The following NKAIN2 variants were observed in gnomAD, a reference collection of about 807,000 sequenced individuals.
NKAIN2 encodes the protein sodium/potassium transporting ATPase interacting 2, also known as sodium/potassium-transporting ATPase subunit beta-1-interacting protein 2.
In NKAIN2, 14 loss-of-function variants were observed where a neutral mutation model predicts 32.6. The observed-to-expected ratio is 0.43, with a 90% CI of 0.28 to 0.67. The LOEUF (loss-of-function observed/expected upper bound fraction) is 0.67, where lower values mean the gene tolerates loss of function less well. NKAIN2 is among the 30% of genes least tolerant of loss of function. NKAIN2 has a pLI of 0.17. For synonymous variants in NKAIN2, 80 were observed against 87.2 expected, an observed-to-expected ratio of 0.92 and a Z score of 0.46; for missense variants, 198 against 258.3, an observed-to-expected ratio of 0.77 and a Z score of 1.60.
At chr6:124,681,992 G>GA (rs1489081805) in intron 4 of NKAIN2, among the ~76,000 whole-genome samples, 4 of 151,856 alleles carry the variant, frequency 2.6e-5, no homozygotes, top group Non-Finnish European at 4.4e-5. Context: ...AGAAGGGTGA[G>GA]AAAAATAGAA....
At chr6:124,601,918 A>G (rs1272849852) in intron 3 of NKAIN2, among the ~76,000 whole-genome samples, 1 of 152,010 alleles carries the variant, frequency 6.6e-6, no homozygotes, top group Non-Finnish European at 1.5e-5. Flanking sequence ...ACTTAGGTCC[A>G]ACCATTTATT....
At chr6:124,366,883 G>A (rs13437397) in intron 3 of NKAIN2, among the ~76,000 whole-genome samples, 22,352 of 150,732 alleles carry the variant, frequency 0.15, 2,199 homozygotes, top group African/African-American at 0.29. Flanking sequence ...AGCTGAGATC[G>A]TGCCACTGCA....
chr6:124,453,345 A>ACG (rs1776187503), intron 3 of NKAIN2, among the ~76,000 whole-genome samples: 1 of 123,270 alleles, frequency 8.1e-6, no homozygotes, highest in Non-Finnish European at 1.8e-5. Context: ...ACACACACAC[A>ACG]CACACACACA....
At chr6:124,768,650 A>T (rs7776126) in intron 4 of NKAIN2, among the ~76,000 whole-genome samples, 6,709 of 152,190 alleles carry the variant, frequency 0.044, 192 homozygotes, top group South Asian at 0.11. Context: ...ATACTCTCAA[A>T]CATTTCCTAG....
intron 4 of NKAIN2, among the ~76,000 whole-genome samples, chr6:124,695,598 G>A (rs1366785240): frequency 3.9e-5 from 6 of 152,142 alleles, no homozygotes; most frequent in Admixed American, 6.5e-5. Context: ...ATTTTAAAAC[G>A]AGAGTTCTGG....
At chr6:123,837,010 G>A (rs556759742) in intron 1 of NKAIN2, among the ~76,000 whole-genome samples, 1 of 152,152 alleles carries the variant, frequency 6.6e-6, no homozygotes, top group Admixed American at 6.5e-5. Context: ...ACATAAATCC[G>A]AGGTGTTTGT....
chr6:124,345,618 GC>G (rs1798381398), intron 2 of NKAIN2, among the ~76,000 whole-genome samples: 1 of 151,754 alleles, frequency 6.6e-6, no homozygotes, highest in Non-Finnish European at 1.5e-5. Context: ...TAGTTTATTT[GC>G]GTAGAGGTGT....
At position 124,415,999 on chromosome 6, in the gene NKAIN2, C is replaced by T. The variant is rs572525804; in HGVS notation, c.273+60652C>T. Among the ~76,000 whole-genome samples, 9 of 150,642 alleles carry T rather than the reference C, an allele frequency of 6.0e-5. No homozygotes were observed. In the South Asian group the frequency reaches 1.7e-3, roughly 28 times the overall value. ...TATAGTCCTGCATGTCCCTGAGCCT[C>T]TGTTCATTTTTTTTAAAATTTAAGT... On this transcript the variant is annotated intron_variant, in intron 3 of 6. Coordinates refer to ENST00000368417, the MANE Select transcript of NKAIN2 (RefSeq NM_001040214.3).
At chr6:124,433,826 T>A (rs191839538) in intron 3 of NKAIN2, among the ~76,000 whole-genome samples, 58 of 152,270 alleles carry the variant, frequency 3.8e-4, no homozygotes, top group Admixed American at 3.8e-3. Context: ...CTCCTTTCTA[T>A]CCACGTGCAC....
At chr6:124,354,152 A>C (rs1311946279) in intron 2 of NKAIN2, among the ~76,000 whole-genome samples, 2 of 152,148 alleles carry the variant, frequency 1.3e-5, no homozygotes, top group Admixed American at 6.5e-5. Flanking sequence ...CTCTTTTGTT[A>C]AGCTTTGCAG....
intron 6 of NKAIN2, among the ~76,000 whole-genome samples, chr6:124,821,622 C>T (rs983718983): frequency 2.0e-5 from 3 of 152,054 alleles, no homozygotes; most frequent in African/African-American, 7.2e-5. Context: ...TAAATGCCAA[C>T]TAAAAGTTAT....
chr6:124,189,080 A>G (rs999948751), intron 1 of NKAIN2, among the ~76,000 whole-genome samples: 5 of 152,160 alleles, frequency 3.3e-5, no homozygotes, highest in African/African-American at 7.2e-5. Flanking sequence ...TTTGTTGCCA[A>G]TTGAAATCAT....
At chr6:124,251,455 A>C (rs1289964967) in intron 1 of NKAIN2, among the ~76,000 whole-genome samples, 1 of 152,062 alleles carries the variant, frequency 6.6e-6, no homozygotes, top group Non-Finnish European at 1.5e-5. Context: ...GCACCACAAC[A>C]AAAAGATTAA....
intron 2 of NKAIN2, among the ~76,000 whole-genome samples, chr6:124,347,063 G>C (rs1224563715): frequency 6.6e-6 from 1 of 151,202 alleles, no homozygotes. Context: ...TTGCTTGTCT[G>C]TAAAGTATTT....
chr6:123,867,209 C>T (rs533734866), intron 1 of NKAIN2, among the ~76,000 whole-genome samples: 1 of 152,214 alleles, frequency 6.6e-6, no homozygotes, highest in African/African-American at 2.4e-5. Flanking sequence ...TTAGTCATAT[C>T]TACTTTCCAC....
chr6:124,664,239 C>A lies in NKAIN2; in HGVS notation c.474+5853C>A, dbSNP rs1043454989. ...GCAGTGATCTGAGATCATACCATTT[C>A]ACTCCAGCCTGGGCGAGACAGCAAG... On this transcript the variant is annotated intron_variant, in intron 4 of 6. Coordinates refer to ENST00000368417, the MANE Select transcript of NKAIN2 (RefSeq NM_001040214.3). Among the ~76,000 whole-genome samples, 10 of 151,364 alleles carry A rather than the reference C, an allele frequency of 6.6e-5. No individual in the cohort carries two copies. The East Asian group carries it at 1.6e-3, about 24-fold the overall frequency.
chr6:124,176,625 T>G (rs1390476259), intron 1 of NKAIN2, among the ~76,000 whole-genome samples: 1 of 152,070 alleles, frequency 6.6e-6, no homozygotes, highest in African/African-American at 2.4e-5. Flanking sequence ...TATTCTAGAT[T>G]TATTAAAAAT....
intron 3 of NKAIN2, among the ~76,000 whole-genome samples, chr6:124,430,285 C>A (rs1300382461): frequency 1.3e-5 from 2 of 152,178 alleles, no homozygotes. Context: ...ATAATGGAAT[C>A]ATTCTCACTT....
chr6:124,078,811 TG>T (rs1783820761), intron 1 of NKAIN2, among the ~76,000 whole-genome samples: 2 of 151,762 alleles, frequency 1.3e-5, no homozygotes, highest in Non-Finnish European at 2.9e-5. Context: ...TGTGTGTGTG[TG>T]TGTGTGTGTG....
Sources: gnomAD v4.1 joint callset for allele counts (sites outside exome capture counted in the v4.1 genomes callset) on GRCh38, gnomAD v4.1.1 for gene constraint, MANE v1.5 for transcripts, NCBI Gene and HGNC (gene_info 2026-07-23, HGNC 2026-07-21) for gene names.